LRRC75A: variants seen among roughly 807,000 people sequenced by gnomAD.
LRRC75A encodes leucine-rich repeat-containing protein 75A.
LRRC75A carries 12 observed loss-of-function variants against 26.0 expected under a neutral mutation model. That is an observed-to-expected ratio of 0.46 (90% CI 0.30 to 0.75). LRRC75A has a LOEUF of 0.75. Among genes scored for constraint, LRRC75A ranks in the 30% least tolerant of loss-of-function variants. The pLI is 0.08. For missense variants in LRRC75A, 410 were observed against 486.6 expected (o/e 0.84, Z 1.48); for synonymous variants, 223 against 219.3 (o/e 1.02, Z -0.15).
intron 1 of LRRC75A, among the ~76,000 whole-genome samples, chr17:16,474,695 A>G (rs1238601482): frequency 6.6e-6 from 1 of 152,008 alleles, no homozygotes; most frequent in Admixed American, 6.6e-5. Flanking sequence ...GTGAAATGAA[A>G]CATTTGGTTC....
intron 1 of LRRC75A, among the ~76,000 whole-genome samples, chr17:16,465,321 T>G (rs890380161): frequency 6.6e-6 from 1 of 152,242 alleles, no homozygotes; most frequent in African/African-American, 2.4e-5. Context: ...CCCAACTCGC[T>G]GTAAGTCTGT....
chr17:16,490,833 C>T lies in LRRC75A; in HGVS notation c.246+912G>A, dbSNP rs114031921. ...GGATTGTCTACCCACCAAAGCCAGG[C>T]CAAGACAACCTGCTTGGTGATGCAG... On this transcript the variant is annotated intron_variant, in intron 1 of 3. Coordinates refer to ENST00000470794, the MANE Select transcript of LRRC75A (RefSeq NM_001113567.3). Among the ~76,000 whole-genome samples the T allele has an allele frequency of 3.5e-3, 534 of 152,292 alleles. 4 individuals are homozygous for T. The highest frequency in any genetic ancestry group is 0.012 in the African/African-American group (502 of 41,560).
intron 1 of LRRC75A, among the ~76,000 whole-genome samples, chr17:16,480,633 AAAAAAAAAAC>A (rs2093831532): frequency 6.6e-6 from 1 of 151,084 alleles, no homozygotes; most frequent in Admixed American, 6.6e-5. Context: ...TCGTCTCAAA[AAAAAAAAAAC>A]AAAAAAAAAA....
intron 1 of LRRC75A, among the ~76,000 whole-genome samples, chr17:16,474,442 T>C (rs890595661): frequency 7.9e-5 from 12 of 152,192 alleles, no homozygotes; most frequent in African/African-American, 2.9e-4. Context: ...CCAGATTTAT[T>C]TCCCAAGCAC....
At chr17:16,485,675 T>TTC (rs1282832182) in intron 1 of LRRC75A, among the ~76,000 whole-genome samples, 2 of 138,076 alleles carry the variant, frequency 1.4e-5, no homozygotes, top group African/African-American at 5.9e-5. Flanking sequence ...TGTGTTCGTG[T>TTC]GTGTGTGTGT....
At chr17:16,447,069 C>T in intron 3 of LRRC75A, 2 of 229,668 alleles carry the variant, frequency 8.7e-6, no homozygotes, top group South Asian at 7.3e-5. Context: ...AAGGCCTTGG[C>T]AGAGTCTTTG....
chr17:16,477,846 C>T (rs2093824743), intron 1 of LRRC75A, among the ~76,000 whole-genome samples: 1 of 151,630 alleles, frequency 6.6e-6, no homozygotes, highest in Non-Finnish European at 1.5e-5. Context: ...GTGGCGTCCT[C>T]AGGGCTGGGA....
rs116355511 is a variant in LRRC75A, at chr17:16,456,116, G to T, written c.375+6142C>A. ...GGAGGAAGGGGAGGGGGAGGAGGAG[G>T]AGTAGCAGTAGTAGGAGGAGGAGGA... is the stretch of plus-strand genomic sequence containing the variant. On this transcript the variant is annotated intron_variant, in intron 2 of 3. Coordinates refer to ENST00000470794, the MANE Select transcript of LRRC75A (RefSeq NM_001113567.3). Among the ~76,000 whole-genome samples, 861 of 145,688 alleles carry T rather than the reference G, an allele frequency of 5.9e-3. 13 individuals carry two copies. The highest frequency in any genetic ancestry group is 0.022 in the African/African-American group (815 of 37,820).
chr17:16,482,279 G>C (rs915413884), intron 1 of LRRC75A, among the ~76,000 whole-genome samples: 2 of 152,174 alleles, frequency 1.3e-5, no homozygotes, highest in Non-Finnish European at 2.9e-5. Context: ...TTCAGTGGAC[G>C]AGGGTGTCCT....
chr17:16,472,689 G>A (rs929146059), intron 1 of LRRC75A, among the ~76,000 whole-genome samples: 1 of 152,196 alleles, frequency 6.6e-6, no homozygotes, highest in African/African-American at 2.4e-5. Flanking sequence ...CTAACAGATT[G>A]GCCTTCCAAT....
At chr17:16,467,213 G>A (rs902340059) in intron 1 of LRRC75A, among the ~76,000 whole-genome samples, 1 of 152,186 alleles carries the variant, frequency 6.6e-6, no homozygotes, top group Non-Finnish European at 1.5e-5. Context: ...GATTGCAGCG[G>A]TGCGATCATA....
intron 1 of LRRC75A, among the ~76,000 whole-genome samples, chr17:16,478,852 G>A (rs1428567151): frequency 6.6e-6 from 1 of 152,198 alleles, no homozygotes; most frequent in Non-Finnish European, 1.5e-5. Context: ...ACATAAGTCT[G>A]CAGCTGAGAA....
chr17:16,450,253 G>C (rs1387969562), intron 2 of LRRC75A, among the ~76,000 whole-genome samples: 1 of 152,218 alleles, frequency 6.6e-6, no homozygotes, highest in Admixed American at 6.5e-5. Flanking sequence ...GGGCTGATGG[G>C]AAGGCAAGAG....
At chr17:16,484,586 G>GGA (rs963385986) in intron 1 of LRRC75A, among the ~76,000 whole-genome samples, 101 of 152,238 alleles carry the variant, frequency 6.6e-4, no homozygotes, top group African/African-American at 2.3e-3. Flanking sequence ...CGCTGGCAAA[G>GGA]GATGGGAGGC....
At chr17:16,455,353 G>A (rs8074091) in intron 2 of LRRC75A, among the ~76,000 whole-genome samples, 5,184 of 150,926 alleles carry the variant, frequency 0.034, 304 homozygotes, top group African/African-American at 0.12. Flanking sequence ...CTTATAATGA[G>A]TGAGGGAAAA....
At chr17:16,458,072 A>G (rs147199682) in intron 2 of LRRC75A, among the ~76,000 whole-genome samples, 67 of 152,346 alleles carry the variant, frequency 4.4e-4, no homozygotes, top group African/African-American at 1.5e-3. Flanking sequence ...TGGAAGGCCA[A>G]GGTGGGTGGA....
Position 16,492,098 on chromosome 17 carries a change from T to TG in LRRC75A, c.-109dup. On this transcript the variant is annotated 5_prime_UTR_variant, in exon 1 of 4. Coordinates refer to ENST00000470794, the MANE Select transcript of LRRC75A (RefSeq NM_001113567.3). The stretch of plus-strand genomic sequence containing the variant: ...GCGCTCGCCTCCCGGGCTGCAACTT[T>TG]GGGGGAACTGTTGCGCGCGGGCGTC... The TG allele has an allele frequency of 1.1e-6, 1 of 947,330 alleles. No individual in the cohort carries two copies. Among genetic ancestry groups the TG allele is most frequent in the Non-Finnish European group, 1.3e-6 (1 of 790,396 alleles). 58.7% of individuals were successfully genotyped at this position (947,330 alleles called of 1,614,324 possible). A position where few individuals can be genotyped will look rare whatever the true frequency, so the allele number is the denominator to read the frequency against.
intron 2 of LRRC75A, among the ~76,000 whole-genome samples, chr17:16,458,789 A>T (rs115043208): frequency 0.013 from 1,912 of 152,028 alleles, 40 homozygotes; most frequent in African/African-American, 0.044. Context: ...AACTTCTGTT[A>T]AGCCTTCTGA....
chr17:16,479,027 A>C (rs2093827505), intron 1 of LRRC75A, among the ~76,000 whole-genome samples: 1 of 152,188 alleles, frequency 6.6e-6, no homozygotes, highest in Non-Finnish European at 1.5e-5. Flanking sequence ...GCTTGAGGGG[A>C]ATCCTGGACC....
Sources: allele counts gnomAD v4.1 joint callset (sites outside exome capture counted in the v4.1 genomes callset), GRCh38; gene constraint gnomAD v4.1.1; transcripts MANE v1.5; gene names NCBI Gene and HGNC (gene_info 2026-07-23, HGNC 2026-07-21).